Variants in FAM20A observed in about 807,000 individuals in gnomAD.
FAM20A encodes FAM20A golgi associated secretory pathway pseudokinase, also known as pseudokinase FAM20A.
Under a neutral mutation model 52.0 loss-of-function variants are expected in FAM20A, and 42 were observed. That is an observed-to-expected ratio of 0.81 (90% confidence interval 0.63 to 1.04). The LOEUF (loss-of-function observed/expected upper bound fraction) is 1.04, where lower values mean the gene tolerates loss of function less well. Ranked by LOEUF, FAM20A falls within the 50% of genes least tolerant of loss-of-function variation. The pLI, the probability that FAM20A is intolerant of heterozygous loss-of-function variation, is 0.00. For missense variants in FAM20A, 742 were observed against 712.7 expected (o/e 1.04, Z -0.47); for synonymous variants, 304 against 298.9 (o/e 1.02, Z -0.18).
intron 6 of FAM20A, 148 bp downstream of exon 6, chr17:68,542,546 A>T: frequency 1.4e-6 from 1 of 719,084 alleles, no homozygotes; most frequent in Admixed American, 2.0e-5. Flanking sequence ...CAGGCAGACC[A>T]TGGTGGGAGT....
chr17:68,553,937 CAT>C (rs1195255776), intron 3 of FAM20A, among the ~76,000 whole-genome samples: 4 of 134,444 alleles, frequency 3.0e-5, no homozygotes, highest in East Asian at 2.0e-4. Context: ...TGCATATATA[CAT>C]ATATACACAC....
intron 1 of FAM20A, among the ~76,000 whole-genome samples, chr17:68,568,335 G>A (rs1293471533): frequency 2.6e-5 from 4 of 151,752 alleles, no homozygotes; most frequent in Admixed American, 1.3e-4. Context: ...AGGCGTGGTG[G>A]TGGGCGCCTG....
intron 1 of FAM20A, among the ~76,000 whole-genome samples, chr17:68,588,820 A>G (rs983959509): frequency 6.6e-6 from 1 of 152,220 alleles, no homozygotes; most frequent in East Asian, 1.9e-4. Context: ...AAGAGACACA[A>G]TTCAGTCTAT....
chr17:68,577,325 C>T (rs933557263), intron 1 of FAM20A, among the ~76,000 whole-genome samples: 5 of 152,262 alleles, frequency 3.3e-5, no homozygotes, highest in Admixed American at 2.0e-4. Context: ...GACTGCGGAG[C>T]TCCTCAACCT....
chr17:68,565,676 G>A (rs1443130657), intron 1 of FAM20A, among the ~76,000 whole-genome samples: 2 of 152,136 alleles, frequency 1.3e-5, no homozygotes, highest in Non-Finnish European at 2.9e-5. Flanking sequence ...TTACAGGCAT[G>A]AGCCATCATG....
intron 7 of FAM20A, 59 bp downstream of exon 7, chr17:68,541,919 AGTCCCTG>A: frequency 6.5e-7 from 1 of 1,531,876 alleles, no homozygotes; most frequent in Non-Finnish European, 8.8e-7. Flanking sequence ...GCTAGCAACA[AGTCCCTG>A]GTACAGGGTC....
intron 7 of FAM20A, chr17:68,541,766 C>T (rs2086306970): frequency 3.8e-6 from 2 of 527,942 alleles, no homozygotes; most frequent in Admixed American, 6.5e-5. Flanking sequence ...TATCCCATAA[C>T]ACCTAGTGTT....
At chr17:68,553,196 C>A (rs1021312155) in intron 3 of FAM20A, among the ~76,000 whole-genome samples, 3 of 152,040 alleles carry the variant, frequency 2.0e-5, no homozygotes, top group Non-Finnish European at 4.4e-5. Flanking sequence ...GGGCTCTTCC[C>A]CCTTTGCATC....
chr17:68,591,696 T>G (rs2088314227), intron 1 of FAM20A: 1 of 152,218 alleles, frequency 6.6e-6, no homozygotes, highest in Admixed American at 6.5e-5. Context: ...CTTTCCCAGC[T>G]GATCCTTTCT....
At chr17:68,575,563 A>T (rs2087723945) in intron 1 of FAM20A, among the ~76,000 whole-genome samples, 1 of 105,118 alleles carries the variant, frequency 9.5e-6, no homozygotes, top group African/African-American at 3.7e-5. Flanking sequence ...TATATATTTT[A>T]TATATTATAT....
chr17:68,575,482 A>T (rs1338390099), intron 1 of FAM20A, among the ~76,000 whole-genome samples: 13 of 116,088 alleles, frequency 1.1e-4, no homozygotes, highest in Non-Finnish European at 2.0e-4. Flanking sequence ...TATTTTATAT[A>T]TTATATATTA....
chr17:68,590,605 G>A (rs1285518400), intron 1 of FAM20A, among the ~76,000 whole-genome samples: 1 of 152,184 alleles, frequency 6.6e-6, no homozygotes, highest in African/African-American at 2.4e-5. Context: ...TTAATAGTTG[G>A]TATAAAAAGT....
At chr17:68,550,369 CTTTTTTTTTTTTTTT>C (rs747654899) in intron 4 of FAM20A, among the ~76,000 whole-genome samples, 1 of 79,390 alleles carries the variant, frequency 1.3e-5, no homozygotes, top group Non-Finnish European at 2.2e-5. Context: ...AATGGGGGAA[CTTTTTTTTTTTTTTT>C]TTTTTTTTTT....
At position 68,600,312 on chromosome 17, in the gene FAM20A, T is replaced by C. The variant is rs767656589; in HGVS notation, c.355A>G (p.Ser119Gly). The C allele has an allele frequency of 1.0e-5, 16 of 1,587,492 alleles. No individual in the cohort carries two copies. Among genetic ancestry groups the C allele is most frequent in the Non-Finnish European group, 1.4e-5 (16 of 1,167,314 alleles). ...LLGAEDSLLASQEALRYYRRK... is the reference protein window; with the variant it reads ...LLGAEDSLLAGQEALRYYRRK... ...CGGTAATACCGCAGCGCCTCCTGGCTGGCCAGGAGCGAGTCCTCGGCTCCC... is the reference window on the plus strand; with the variant it reads ...CGGTAATACCGCAGCGCCTCCTGGCCGGCCAGGAGCGAGTCCTCGGCTCCC... The change falls in exon 1 of 11, where the codon AGC becomes GGC. Residue 119 changes from serine to glycine, a missense_variant. Coordinates refer to ENST00000592554, the MANE Select transcript of FAM20A (RefSeq NM_017565.4). This position sits in a 1 kb window ranked among gnomAD's most constrained non-coding sequence, Gnocchi z 6.2.
At position 68,600,425 on chromosome 17, in the gene FAM20A, G is replaced by A. The variant is rs773886060; in HGVS notation, c.242C>T (p.Ala81Val). 1 of 1,611,286 alleles carries A rather than the reference G, an allele frequency of 6.2e-7. No individual in the cohort carries two copies. The highest frequency in any genetic ancestry group is 1.7e-5 in the Admixed American group (1 of 59,872). Residue 81 changes from alanine (A) to valine (V), a missense_variant, in exon 1 of 11, where the codon GCT becomes GTT. Transcript: ENST00000592554. The surrounding 1 kb of genome is among the most constrained non-coding windows in gnomAD (Gnocchi z 6.2). ...GCTCGACCCGCTGTGGCTGCCGCCA[G>A]CCGGTTCAGTCCGGGGCTCGGTTCG... ...FSRTEPRTEPAGGSHSGSSSK... is the reference protein window; with the variant it reads ...FSRTEPRTEPVGGSHSGSSSK...
At chr17:68,578,385 A>G (rs755800535) in intron 1 of FAM20A, among the ~76,000 whole-genome samples, 1 of 152,152 alleles carries the variant, frequency 6.6e-6, no homozygotes, top group Non-Finnish European at 1.5e-5. Context: ...CTCAGATTAA[A>G]TTCTTTCAAG....
intron 1 of FAM20A, chr17:68,582,340 G>A (rs1006246201): frequency 1.4e-4 from 21 of 152,160 alleles, no homozygotes; most frequent in Admixed American, 5.9e-4. Context: ...AATTGACGTC[G>A]AAGTGATGGA....
chr17:68,549,380 G>A (rs1223101228), intron 4 of FAM20A, among the ~76,000 whole-genome samples: 2 of 151,978 alleles, frequency 1.3e-5, no homozygotes, highest in African/African-American at 4.8e-5. Flanking sequence ...TATAATCCCA[G>A]CTACTTGGGA....
chr17:68,539,432 A>G (rs759494182), intron 9 of FAM20A, 36 bp from the exon 10 acceptor site: 2 of 1,597,162 alleles, frequency 1.3e-6, no homozygotes, highest in Non-Finnish European at 1.7e-6. Context: ...GGTGGCCGGC[A>G]GCATCCTTTG....
Sources: gnomAD v4.1 joint callset for allele counts (sites outside exome capture counted in the v4.1 genomes callset) on GRCh38, gnomAD v4.1.1 for gene constraint, Gnocchi (gnomAD v3.1) non-coding constraint, MANE v1.5 for transcripts, NCBI Gene and HGNC (gene_info 2026-07-23, HGNC 2026-07-21) for gene names.